RNF216: variants seen among roughly 807,000 people sequenced by gnomAD.
The protein encoded by RNF216 is ring finger protein 216.
Under a neutral mutation model 110.8 loss-of-function variants are expected in RNF216, and 72 were observed. The ratio of observed to expected loss-of-function variants is 0.65; its 90% CI spans 0.54 to 0.79. The LOEUF is 0.79. Ranked by LOEUF, RNF216 falls within the 30% of genes least tolerant of loss-of-function variation. The pLI is 0.00. For missense variants in RNF216, 1,342 were observed against 1,141.2 expected (o/e 1.18, Z -2.54); for synonymous variants, 495 against 407.5 (o/e 1.21, Z -2.59).
At chr7:5,760,976 G>C (rs1384182728) in intron 2 of RNF216, 27 bp downstream of exon 2, 1 of 1,520,486 alleles carries the variant, frequency 6.6e-7, no homozygotes, top group Admixed American at 1.9e-5. Flanking sequence ...CACAGGGAAA[G>C]GGATGAAGTG....
intron 3 of RNF216, among the ~76,000 whole-genome samples, chr7:5,747,892 C>CTAGG (rs1247591296): frequency 6.6e-6 from 1 of 151,936 alleles, no homozygotes; most frequent in Non-Finnish European, 1.5e-5. Flanking sequence ...GATCCTCCTG[C>CTAGG]TAGGCCTCTC....
intron 1 of RNF216, chr7:5,779,963 T>C (rs1796991695): frequency 6.6e-6 from 1 of 151,904 alleles, no homozygotes; most frequent in Non-Finnish European, 1.5e-5. Context: ...CTACATCCCA[T>C]TCAGTAAACA....
At chr7:5,666,528 G>A (rs1015725856) in intron 13 of RNF216, 2 of 152,326 alleles carry the variant, frequency 1.3e-5, no homozygotes, top group African/African-American at 4.8e-5. Context: ...AGGCTGCCTG[G>A]GGCCTGAGCC....
At chr7:5,642,482 T>C (rs1473944660) in intron 14 of RNF216, among the ~76,000 whole-genome samples, 2 of 151,518 alleles carry the variant, frequency 1.3e-5, no homozygotes, top group Admixed American at 1.3e-4. Flanking sequence ...CCAAAAGTGC[T>C]GGGATTACAA....
intron 13 of RNF216, among the ~76,000 whole-genome samples, chr7:5,672,068 G>C (rs1789956337): frequency 6.6e-6 from 1 of 152,214 alleles, no homozygotes; most frequent in Admixed American, 6.5e-5. Context: ...GACTATCAAG[G>C]AGTAGATGGC....
chr7:5,629,351 G>A (rs1786912656), intron 15 of RNF216, among the ~76,000 whole-genome samples: 1 of 151,986 alleles, frequency 6.6e-6, no homozygotes, highest in African/African-American at 2.4e-5. Flanking sequence ...CTACTGGGGG[G>A]CTATTTGTGG....
Position 5,730,894 on chromosome 7 carries a change from A to T in RNF216, c.1122-77T>A, listed in dbSNP as rs1450075275. 12 of 1,572,484 alleles carry T rather than the reference A, an allele frequency of 7.6e-6. No individual in the cohort carries two copies. In the African/African-American group the frequency reaches 1.5e-4, roughly 20 times the overall value. ...CCCATTGCTTCAAATGCAATGGTTG[A>T]AGAATATAGTCCTTAGTCACACATT... On this transcript the variant is annotated intron_variant, in intron 5 of 16. Transcript: ENST00000389902.
At chr7:5,761,251 A>G (rs535159189) in intron 1 of RNF216, 113 bp from the exon 2 acceptor site, 40 of 445,480 alleles carry the variant, frequency 9.0e-5, no homozygotes, top group African/African-American at 7.7e-4. Flanking sequence ...TTAAGAAAAC[A>G]TATCCAAGGA....
At chr7:5,734,908 T>G (rs931177164) in intron 5 of RNF216, among the ~76,000 whole-genome samples, 1 of 151,460 alleles carries the variant, frequency 6.6e-6, no homozygotes, top group African/African-American at 2.4e-5. Context: ...CCCAGCACTT[T>G]GGGAGGCTGA....
At chr7:5,716,917 T>G in intron 9 of RNF216, 151 bp from the exon 10 acceptor site, 2 of 538,218 alleles carry the variant, frequency 3.7e-6, no homozygotes, top group South Asian at 3.1e-5. Context: ...TGAATAAATT[T>G]TAAGTGGATC....
chr7:5,663,457 G>A (rs911630810), intron 13 of RNF216, among the ~76,000 whole-genome samples: 3 of 151,944 alleles, frequency 2.0e-5, no homozygotes, highest in Non-Finnish European at 4.4e-5. Context: ...GGTGGCGTTC[G>A]CCTGTAGTCC....
chr7:5,652,695 C>T (rs1417357925), intron 13 of RNF216, among the ~76,000 whole-genome samples, 185 bp from the exon 14 acceptor site: 2 of 152,102 alleles, frequency 1.3e-5, no homozygotes, highest in African/African-American at 4.8e-5. Flanking sequence ...GGTGGTAGGG[C>T]TAGGTGGCTG....
At chr7:5,675,840 G>A (rs1404980274) in intron 13 of RNF216, among the ~76,000 whole-genome samples, 1 of 151,638 alleles carries the variant, frequency 6.6e-6, no homozygotes, top group African/African-American at 2.4e-5. Context: ...CTCCTGAGTA[G>A]CTGGGATTAC....
At chr7:5,634,247 T>G (rs1053162761) in intron 15 of RNF216, among the ~76,000 whole-genome samples, 1 of 143,580 alleles carries the variant, frequency 7.0e-6, no homozygotes, top group Non-Finnish European at 1.5e-5. Context: ...GCACTTTTCC[T>G]CCCCTTAGAA....
intron 14 of RNF216, among the ~76,000 whole-genome samples, chr7:5,644,480 C>T (rs1787930306): frequency 6.6e-6 from 1 of 151,930 alleles, no homozygotes; most frequent in African/African-American, 2.4e-5. Flanking sequence ...GTACATCTTT[C>T]TGGAGAAATA....
In RNF216 at chr7:5,620,707, C is replaced by G. The variant is rs529968342; in HGVS notation, c.*2153G>C. Reference sequence around the variant, plus strand: ...GTTTGGCCTTAGGAGAAACATCACTCTGGGCTCCCCCTCCCCTGCCAGGGT... The same window carrying G: ...GTTTGGCCTTAGGAGAAACATCACTGTGGGCTCCCCCTCCCCTGCCAGGGT... On this transcript the variant is annotated 3_prime_UTR_variant, in exon 17 of 17. Transcript: ENST00000389902. The G allele has an allele frequency of 6.6e-6, 1 of 152,534 alleles. No individual in the cohort carries two copies. The highest frequency in any genetic ancestry group is 1.9e-4 in the East Asian group (1 of 5,190). The allele number at this position is 152,534 out of a possible 1,614,324, so 9.4% of individuals were successfully genotyped here.
chr7:5,688,317 T>C (rs1443074992), intron 13 of RNF216, among the ~76,000 whole-genome samples: 1 of 152,148 alleles, frequency 6.6e-6, no homozygotes, highest in Non-Finnish European at 1.5e-5. Flanking sequence ...GACTCACATA[T>C]CTGGAAATCA....
chr7:5,669,394 C>A (rs1269568980), intron 13 of RNF216, among the ~76,000 whole-genome samples: 7 of 152,216 alleles, frequency 4.6e-5, no homozygotes, highest in Non-Finnish European at 1.0e-4. Context: ...ATTATCCATT[C>A]TTTTCAGTGT....
intron 1 of RNF216, among the ~76,000 whole-genome samples, chr7:5,779,596 T>G (rs551749581): frequency 1.1e-3 from 161 of 151,138 alleles, no homozygotes; most frequent in African/African-American, 3.8e-3. Flanking sequence ...TTCTTGTGCT[T>G]TGGGAGGCTG....
Sources: allele counts gnomAD v4.1 joint callset (sites outside exome capture counted in the v4.1 genomes callset), GRCh38; gene constraint gnomAD v4.1.1; transcripts MANE v1.5; gene names NCBI Gene and HGNC (gene_info 2026-07-23, HGNC 2026-07-21).